FMN1: variants seen among roughly 807,000 people sequenced by gnomAD.
FMN1 encodes formin-1.
FMN1 carries 110 observed loss-of-function variants against 132.4 expected under a neutral mutation model. The observed-to-expected ratio is 0.83, with a 90% confidence interval of 0.71 to 0.97. The LOEUF (loss-of-function observed/expected upper bound fraction) is 0.97, where lower values mean the gene tolerates loss of function less well. Among genes scored for constraint, FMN1 ranks in the 50% least tolerant of loss-of-function variants. The pLI is 0.00. For synonymous variants in FMN1, 722 were observed against 651.7 expected (o/e 1.11, Z -1.64); for missense variants, 1,792 against 1,705.3 (o/e 1.05, Z -0.90).
chr15:32,917,631 C>T (rs149193780), intron 10 of FMN1, among the ~76,000 whole-genome samples: 1 of 152,336 alleles, frequency 6.6e-6, no homozygotes. Flanking sequence ...CAAAGTCACA[C>T]TGCTTGGTTT....
At position 32,766,284 on chromosome 15, in the gene FMN1, G is replaced by A. The variant is rs2140806936; in HGVS notation, c.*8026C>T. 6.6e-6 allele frequency: 1 copy of A among 152,270 alleles called. No homozygotes were observed. Among genetic ancestry groups the A allele is most frequent in the Non-Finnish European group, 1.5e-5 (1 of 68,014 alleles). 9.4% of individuals were successfully genotyped at this position (152,270 alleles called of 1,614,324 possible). On this transcript the variant is annotated 3_prime_UTR_variant, in exon 21 of 21. Transcript: ENST00000616417. ...TGTCAACATCCTGATTCAGAACAGG[G>A]GTAGATGTTTGAATCATGAATAGTA...
intron 8 of FMN1, among the ~76,000 whole-genome samples, 153 bp downstream of exon 8, chr15:32,968,561 C>T (rs1382416624): frequency 6.6e-6 from 1 of 152,066 alleles, no homozygotes; most frequent in Non-Finnish European, 1.5e-5. Flanking sequence ...ACAATCTCCC[C>T]AAACATCCCA....
chr15:33,052,620 A>G (rs2037029494), intron 6 of FMN1, among the ~76,000 whole-genome samples: 1 of 152,202 alleles, frequency 6.6e-6, no homozygotes. Context: ...CAGCCCCACA[A>G]TGATAGTGAC....
chr15:32,946,711 A>T (rs561250183), intron 9 of FMN1, among the ~76,000 whole-genome samples: 1 of 152,312 alleles, frequency 6.6e-6, no homozygotes, highest in East Asian at 1.9e-4. Context: ...GTGAAGTTGG[A>T]GGACTGGTAA....
At chr15:33,091,553 C>A (rs977065522) in intron 4 of FMN1, among the ~76,000 whole-genome samples, 1 of 152,118 alleles carries the variant, frequency 6.6e-6, no homozygotes, top group Non-Finnish European at 1.5e-5. Context: ...ATCATTTGGA[C>A]AGAAAAGGAC....
intron 10 of FMN1, among the ~76,000 whole-genome samples, chr15:32,913,761 T>C (rs1244279822): frequency 1.3e-5 from 2 of 152,192 alleles, no homozygotes; most frequent in Non-Finnish European, 2.9e-5. Context: ...CAGTCAGCAG[T>C]TGATTTCTTA....
Position 32,899,908 on chromosome 15 carries a change from G to A in FMN1, c.3654+71C>T, listed in dbSNP as rs186571222. 6,731 of 1,470,490 alleles carry A rather than the reference G, an allele frequency of 4.6e-3. 21 individuals are homozygous for A. The highest frequency in any genetic ancestry group is 9.1e-3 in the South Asian group (744 of 81,730). The allele number at this position is 1,470,490 out of a possible 1,614,324, so 91.1% of individuals were successfully genotyped here. On this transcript the variant is annotated intron_variant, in intron 14 of 20. Coordinates refer to ENST00000616417, the MANE Select transcript of FMN1 (RefSeq NM_001277313.2). ...AGATAAATGGAACAATCTGGAATAC[G>A]TTTTTTAAAATTAAAGGTAAAGAAA...
At chr15:33,191,506 T>A (rs1035098089) in intron 2 of FMN1, among the ~76,000 whole-genome samples, 1 of 152,190 alleles carries the variant, frequency 6.6e-6, no homozygotes, top group East Asian at 1.9e-4. Context: ...TCTCTCTCCC[T>A]CATCCTCAAA....
At chr15:32,909,071 T>C (rs781020545) in intron 11 of FMN1, among the ~76,000 whole-genome samples, 3 of 152,220 alleles carry the variant, frequency 2.0e-5, no homozygotes, top group Admixed American at 6.5e-5. Flanking sequence ...TATTTTGGCA[T>C]TGAGTCACTT....
intron 4 of FMN1, among the ~76,000 whole-genome samples, chr15:33,111,407 A>T (rs1321127033): frequency 6.6e-6 from 1 of 152,174 alleles, no homozygotes; most frequent in Non-Finnish European, 1.5e-5. Context: ...CAGCTCCAGA[A>T]AACAGTCTTG....
chr15:32,902,594 A>C (rs2060324207), intron 12 of FMN1, among the ~76,000 whole-genome samples: 1 of 152,220 alleles, frequency 6.6e-6, no homozygotes, highest in Admixed American at 6.5e-5. Flanking sequence ...ACTTTTTCAC[A>C]TTAACTTACA....
chr15:33,113,330 C>T (rs2039784763), intron 4 of FMN1, among the ~76,000 whole-genome samples: 2 of 152,090 alleles, frequency 1.3e-5, no homozygotes, highest in South Asian at 2.1e-4. Flanking sequence ...AGGTCCACTA[C>T]AAAATTTGAA....
chr15:33,057,902 C>T lies in FMN1; in HGVS notation c.2161+7055G>A, dbSNP rs550366599. ...TGGAGAGGGGATCTGAAAGAGTGTG[C>T]TCTATTTGCTGAGCTAGTTGATGGC... On this transcript the variant is annotated intron_variant, in intron 6 of 20. Transcript: ENST00000616417. Among the ~76,000 whole-genome samples the T allele has an allele frequency of 1.3e-4, 19 of 142,090 alleles. No individual in the cohort carries two copies. The East Asian group carries it at 2.7e-3, about 20-fold the overall frequency. 93.2% of individuals were successfully genotyped at this position (142,090 alleles called of 152,430 possible). A position where few individuals can be genotyped will look rare whatever the true frequency, so the allele number is the denominator to read the frequency against.
intron 4 of FMN1, among the ~76,000 whole-genome samples, chr15:33,098,405 T>C (rs1009712341): frequency 1.3e-5 from 2 of 152,122 alleles, no homozygotes; most frequent in African/African-American, 2.4e-5. Context: ...CACCTCCCCC[T>C]CTCTAGGCTT....
intron 15 of FMN1, among the ~76,000 whole-genome samples, chr15:32,891,446 G>A (rs528747510): frequency 1.3e-4 from 20 of 152,324 alleles, no homozygotes; most frequent in African/African-American, 4.8e-4. Flanking sequence ...GTTTCACCAT[G>A]TTAGCCAGGA....
intron 4 of FMN1, among the ~76,000 whole-genome samples, chr15:33,145,533 A>G (rs2061076): frequency 0.018 from 2,768 of 151,750 alleles, 84 homozygotes; most frequent in African/African-American, 0.064. Flanking sequence ...CCAGGCATGA[A>G]TCCATGGGGC....
chr15:32,862,231 G>A (rs1437157438), intron 16 of FMN1, among the ~76,000 whole-genome samples: 1 of 151,814 alleles, frequency 6.6e-6, no homozygotes. Context: ...CTGTTCAACC[G>A]GAAGACTCGC....
intron 5 of FMN1, among the ~76,000 whole-genome samples, chr15:33,070,404 T>TTA (rs1491446174): frequency 1.4e-5 from 2 of 139,920 alleles, no homozygotes; most frequent in African/African-American, 5.2e-5. Flanking sequence ...TTTTTTTTTT[T>TTA]ATGAACTGAA....
intron 19 of FMN1, among the ~76,000 whole-genome samples, chr15:32,791,590 G>A (rs912173139): frequency 1.3e-5 from 2 of 152,304 alleles, no homozygotes; most frequent in Non-Finnish European, 2.9e-5. Flanking sequence ...AGAGAGAAGA[G>A]TTAGAAGGAT....
Sources: gnomAD v4.1 joint callset for allele counts (sites outside exome capture counted in the v4.1 genomes callset) on GRCh38, gnomAD v4.1.1 for gene constraint, MANE v1.5 for transcripts, NCBI Gene and HGNC (gene_info 2026-07-23, HGNC 2026-07-21) for gene names.